Variants in POLQ observed in about 807,000 individuals in gnomAD.
POLQ encodes DNA polymerase theta.
Under a neutral mutation model 259.2 loss-of-function variants are expected in POLQ, and 233 were observed. The observed-to-expected ratio is 0.90, with a 90% CI of 0.81 to 1.00. POLQ has a LOEUF of 1.00. Among genes scored for constraint, POLQ ranks in the 50% least tolerant of loss-of-function variants. The pLI, the probability that POLQ is intolerant of heterozygous loss-of-function variation, is 0.00. For missense variants in POLQ, 2,871 were observed against 3,051.6 expected, an observed-to-expected ratio of 0.94 and a Z score of 1.39; for synonymous variants, 1,025 against 1,048.8, an observed-to-expected ratio of 0.98 and a Z score of 0.44.
chr3:121,514,712 A>T (rs544705389), intron 9 of POLQ, among the ~76,000 whole-genome samples: 136 of 152,086 alleles, frequency 8.9e-4, no homozygotes, highest in African/African-American at 3.0e-3. Flanking sequence ...GCTCACGGCA[A>T]CCAGCATGCA....
Position 121,487,446 on chromosome 3 carries a change from C to T in POLQ, c.5485G>A (p.Asp1829Asn). Residue 1829 changes from aspartate to asparagine, a missense_variant, in exon 16 of 30, where the codon GAT becomes AAT. Physicochemically the swap from Asp to Asn is conservative, Grantham distance 23. Around this residue, in one of 3 missense-constraint regions of POLQ, gnomAD observed 2,080 missense variants for 2,126.0 expected, o/e 0.98. Transcript: ENST00000264233. ...AAAAGATTTTGGTCACTTGCTACAT[C>T]AATTATGGACAAACTTTCTGAACTG... is the stretch of plus-strand genomic sequence containing the variant. ...SSSSESLSIIDVASDQNLFQT... is the reference protein window; with the variant it reads ...SSSSESLSIINVASDQNLFQT... 6.2e-7 allele frequency: 1 copy of T among 1,614,040 alleles called. No individual in the cohort carries two copies. The highest frequency in any genetic ancestry group is 8.5e-7 in the Non-Finnish European group (1 of 1,179,994).
chr3:121,497,499 C>T (rs1160498260), intron 13 of POLQ, among the ~76,000 whole-genome samples: 1 of 152,036 alleles, frequency 6.6e-6, no homozygotes, highest in Non-Finnish European at 1.5e-5. Context: ...TGCAGTGGCG[C>T]AATCTTGGCT....
chr3:121,529,721 A>C lies in POLQ; in HGVS notation c.1032T>G (p.Cys344Trp). The C allele has an allele frequency of 6.2e-7, 1 of 1,612,390 alleles. No individual in the cohort carries two copies. ...GCTTCTCACACCATTTCTTTGATGG[A>C]CAAAAAAGTAATACTGAATGGTTAT... ...ICDNHSVLLF[C>W]PSKKWCEKLA... The change falls in exon 7 of 30, where the codon TGT becomes TGG. Residue 344 changes from cysteine to tryptophan, a missense_variant. Coordinates refer to ENST00000264233, the MANE Select transcript of POLQ (RefSeq NM_199420.4).
At chr3:121,542,488 A>C (rs1467895736) in intron 2 of POLQ, among the ~76,000 whole-genome samples, 1 of 152,204 alleles carries the variant, frequency 6.6e-6, no homozygotes, top group Non-Finnish European at 1.5e-5. Context: ...TTCAGATGAC[A>C]CAGAAGGTAA....
Position 121,490,211 on chromosome 3 carries a change from C to T in POLQ, c.2720G>A (p.Ser907Asn). ...CTCACTATGAGTCAATGAGCATGTA[C>T]TAGAATGTAACAGGGCACATGGATT... Reference protein sequence around the residue: ...QWNPCALLHSSTCSLTHSESE... With the variant: ...QWNPCALLHSNTCSLTHSESE... Residue 907 changes from serine to asparagine, a missense_variant, in exon 16 of 30, where the codon AGT (serine) becomes AAT (asparagine). This residue lies in a region of POLQ where 2,080 missense variants were observed against 2,126.0 expected (regional missense o/e 0.98). Transcript: ENST00000264233. The T allele has an allele frequency of 6.2e-7, 1 of 1,613,982 alleles. No homozygotes were observed. The highest frequency in any genetic ancestry group is 8.5e-7 in the Non-Finnish European group (1 of 1,179,902).
At chr3:121,452,005 C>A (rs1447657399) in intron 25 of POLQ, among the ~76,000 whole-genome samples, 1 of 152,248 alleles carries the variant, frequency 6.6e-6, no homozygotes, top group African/African-American at 2.4e-5. Flanking sequence ...CCTCCCCCAG[C>A]CTTGCTGCTG....
Position 121,487,478 on chromosome 3 carries a change from G to A in POLQ, c.5453C>T (p.Ala1818Val). 6.2e-7 allele frequency: 1 copy of A among 1,614,066 alleles called. No homozygotes were observed. The highest frequency in any genetic ancestry group is 1.7e-4 in the Middle Eastern group (1 of 6,058). ...LSQDGLQLTP[A>V]SSSSESLSII... The stretch of plus-strand genomic sequence containing the variant: ...GGACAAACTTTCTGAACTGCTTGAG[G>A]CTGGAGTTAACTGTAATCCATCCTG... Residue 1818 changes from alanine to valine, a missense_variant, in exon 16 of 30, where the codon GCC becomes GTC. This residue lies in a region of POLQ where 2,080 missense variants were observed against 2,126.0 expected (regional missense o/e 0.98). Transcript: ENST00000264233.
intron 25 of POLQ, among the ~76,000 whole-genome samples, chr3:121,451,273 C>T (rs376617835): frequency 2.6e-5 from 4 of 152,328 alleles, no homozygotes; most frequent in African/African-American, 9.6e-5. Context: ...TGTCTGAGGC[C>T]GCCTTCTCTC....
intron 3 of POLQ, among the ~76,000 whole-genome samples, chr3:121,540,058 A>T (rs1560110220): frequency 2.0e-5 from 3 of 146,810 alleles, no homozygotes; most frequent in Non-Finnish European, 3.0e-5. Context: ...TTTAATAATA[A>T]TTTTTTTTTT....
intron 28 of POLQ, among the ~76,000 whole-genome samples, chr3:121,435,726 T>C (rs1016375860): frequency 2.0e-5 from 3 of 152,202 alleles, no homozygotes; most frequent in Non-Finnish European, 4.4e-5. Flanking sequence ...CAGAAGCAGA[T>C]ACAAACAGCC....
Position 121,539,420 on chromosome 3 carries a change from C to T in POLQ, c.631+13G>A, listed in dbSNP as rs1361683080. Reference sequence around the variant, plus strand: ...GCAATAGAAAGTATTTACTTATTTTCTAACTTTCTTACCTAACAGATCCAT... The same window carrying T: ...GCAATAGAAAGTATTTACTTATTTTTTAACTTTCTTACCTAACAGATCCAT... On this transcript the variant is annotated intron_variant, in intron 4 of 29. Coordinates refer to ENST00000264233, the MANE Select transcript of POLQ (RefSeq NM_199420.4). 2 of 1,573,350 alleles carry T rather than the reference C, an allele frequency of 1.3e-6. No homozygotes were observed. The highest frequency in any genetic ancestry group is 2.2e-5 in the East Asian group (1 of 44,618).
At chr3:121,435,414 A>C (rs1458778112) in intron 28 of POLQ, among the ~76,000 whole-genome samples, 1 of 152,252 alleles carries the variant, frequency 6.6e-6, no homozygotes, top group Non-Finnish European at 1.5e-5. Context: ...AGATCAGAGA[A>C]CACTGAAGGT....
chr3:121,518,070 A>G (rs2048312036), intron 9 of POLQ, among the ~76,000 whole-genome samples: 1 of 152,248 alleles, frequency 6.6e-6, no homozygotes, highest in African/African-American at 2.4e-5. Flanking sequence ...ACAGATGATT[A>G]GGTTCCTGCA....
In POLQ at chr3:121,489,056, T is replaced by C; in HGVS notation, c.3875A>G (p.Gln1292Arg). ...TGTTGTATAAGTACCTGTTTTTTCT[T>C]GTAGTCTAGAAATATTTAGAAAATT... ...HENFLNISRL[Q>R]EKTGTYTTNK... is the part of the protein sequence containing the mutation. The change falls in exon 16 of 30, where the codon CAA becomes CGA. Residue 1292 changes from glutamine (Q) to arginine (R), a missense_variant. By Grantham distance (43) the Gln-to-Arg change is conservative. Transcript: ENST00000264233. 6.8e-6 allele frequency: 11 copies of C among 1,613,358 alleles called. No individual in the cohort carries two copies. The highest frequency in any genetic ancestry group is 1.7e-5 in the Admixed American group (1 of 59,992).
chr3:121,487,495 TC>T lies in POLQ; in HGVS notation c.5435del (p.Gly1812AspfsTer4). The T allele has an allele frequency of 6.2e-7, 1 of 1,614,106 alleles. No homozygotes were observed. The highest frequency in any genetic ancestry group is 8.5e-7 in the Non-Finnish European group (1 of 1,179,992). On this transcript the variant is annotated frameshift_variant, in exon 16 of 30. Coordinates refer to ENST00000264233, the MANE Select transcript of POLQ (RefSeq NM_199420.4). LOFTEE classifies it high-confidence loss of function. ...TSFSLQLSQD[G>X]LQLTPASSSS... ...TGCTTGAGGCTGGAGTTAACTGTAA[TC>T]CATCCTGTGATAACTGAAGTGAAAA...
chr3:121,489,175 A>C lies in POLQ; in HGVS notation c.3756T>G (p.Phe1252Leu), dbSNP rs1422754912. The C allele has an allele frequency of 6.2e-7, 1 of 1,612,740 alleles. No individual in the cohort carries two copies. Among genetic ancestry groups the C allele is most frequent in the Non-Finnish European group, 8.5e-7 (1 of 1,179,688 alleles). The change falls in exon 16 of 30, where the codon TTT becomes TTG. Residue 1252 changes from phenylalanine to leucine, a missense_variant. Around this residue, in one of 3 missense-constraint regions of POLQ, gnomAD observed 2,080 missense variants for 2,126.0 expected, o/e 0.98. Coordinates refer to ENST00000264233, the MANE Select transcript of POLQ (RefSeq NM_199420.4). ...LNTEENKPSH[F>L]QALGDDISRT... ...TGCTTATATCATCTCCTAATGCCTG[A>C]AAATGACTTGGTTTATTTTCCTCTG...
chr3:121,501,903 T>C (rs1330272244), intron 12 of POLQ, among the ~76,000 whole-genome samples: 1 of 150,564 alleles, frequency 6.6e-6, no homozygotes, highest in African/African-American at 2.4e-5. Flanking sequence ...GGCATGAGAA[T>C]TGCTTGAACC....
At chr3:121,504,083 G>A (rs138070031) in intron 12 of POLQ, among the ~76,000 whole-genome samples, 525 of 152,228 alleles carry the variant, frequency 3.4e-3, no homozygotes, top group South Asian at 6.4e-3. Context: ...GGCCAGGCTG[G>A]TCTCGAACAC....
chr3:121,522,284 C>G (rs878943214), intron 7 of POLQ, 135 bp from the exon 8 acceptor site: 1 of 52,622 alleles, frequency 1.9e-5, no homozygotes, highest in South Asian at 7.4e-4. Context: ...CCCTGGAGAT[C>G]TTTTTTTTTT....
Sources: allele counts gnomAD v4.1 joint callset (sites outside exome capture counted in the v4.1 genomes callset), GRCh38; gene constraint gnomAD v4.1.1; regional missense constraint gnomAD v4.1.1; transcripts MANE v1.5; gene names NCBI Gene and HGNC (gene_info 2026-07-23, HGNC 2026-07-21).